EXOC2: variants seen among roughly 807,000 people sequenced by gnomAD.
The protein encoded by EXOC2 is SEC5-like 1.
A neutral mutation model predicts 131.8 loss-of-function variants in EXOC2; 70 were observed. That is an observed-to-expected ratio of 0.53 (90% CI 0.44 to 0.65). The LOEUF is 0.65. Among genes scored for constraint, EXOC2 ranks in the 30% least tolerant of loss-of-function variants. The pLI, the probability that EXOC2 is intolerant of heterozygous loss-of-function variation, is 0.00. For synonymous variants in EXOC2, 411 were observed against 398.4 expected (o/e 1.03, Z -0.38); for missense variants, 923 against 1,108.6 (o/e 0.83, Z 2.38).
intron 24 of EXOC2, among the ~76,000 whole-genome samples, chr6:499,016 C>G (rs1763891253): frequency 6.6e-6 from 1 of 152,170 alleles, no homozygotes; most frequent in Non-Finnish European, 1.5e-5. Flanking sequence ...CAATGTTCCT[C>G]AGAAGAGTCC....
rs539193038 is a variant in EXOC2 at position 550,534 on chromosome 6, G to A, written c.2122-1243C>T. Among the ~76,000 whole-genome samples the A allele has an allele frequency of 1.1e-4, 17 of 152,262 alleles. No homozygotes were observed. In the South Asian group the frequency reaches 1.9e-3, roughly 17 times the overall value. On this transcript the variant is annotated intron_variant, in intron 21 of 27. Coordinates refer to ENST00000230449, the MANE Select transcript of EXOC2 (RefSeq NM_018303.6). ...TTAAAGGATCTTCAAACAAGCGAAC[G>A]GCCTTGAGTTACTCTATGGCTAGGA...
chr6:657,091 T>A (rs1476763682), intron 1 of EXOC2: 1 of 631,014 alleles, frequency 1.6e-6, no homozygotes, highest in African/African-American at 1.9e-5. Flanking sequence ...CGGTTGCGGT[T>A]GCGGGTTCTG....
intron 1 of EXOC2, among the ~76,000 whole-genome samples, chr6:648,157 C>T (rs1366189632): frequency 1.3e-5 from 2 of 152,236 alleles, no homozygotes; most frequent in East Asian, 1.9e-4. Flanking sequence ...ACAGTGCCTG[C>T]GACATAATAT....
chr6:512,206 T>C (rs1581339244), intron 23 of EXOC2, among the ~76,000 whole-genome samples: 1 of 152,328 alleles, frequency 6.6e-6, no homozygotes, highest in East Asian at 1.9e-4. Context: ...CACAGTACTT[T>C]GCAAACTCAA....
At chr6:621,203 C>T (rs1761273276) in intron 4 of EXOC2, among the ~76,000 whole-genome samples, 1 of 152,204 alleles carries the variant, frequency 6.6e-6, no homozygotes, top group Non-Finnish European at 1.5e-5. Context: ...CTCTACTGTC[C>T]ATGCAGGCTC....
Position 598,068 on chromosome 6 carries a change from T to A in EXOC2, c.1026A>T (p.Lys342Asn). Residue 342 changes from lysine to asparagine, a missense_variant, in exon 10 of 28, where the codon AAA (lysine) becomes AAT (asparagine). Coordinates refer to ENST00000230449, the MANE Select transcript of EXOC2 (RefSeq NM_018303.6). ...IEALRELLLD[K>N]LLETPSTLHD... ...GTAAAGTTGATGGTGTCTCAAGCAA[T>A]TTATCCAGAAGTAATTCTCTTAAAG... 6.2e-7 allele frequency: 1 copy of A among 1,613,988 alleles called. No individual in the cohort carries two copies. The highest frequency in any genetic ancestry group is 8.5e-7 in the Non-Finnish European group (1 of 1,179,920).
intron 11 of EXOC2, among the ~76,000 whole-genome samples, chr6:589,357 T>C (rs1308618509): frequency 6.6e-6 from 1 of 152,168 alleles, no homozygotes; most frequent in Non-Finnish European, 1.5e-5. Context: ...CGCTTCTCAA[T>C]GCTGATCTAG....
intron 7 of EXOC2, among the ~76,000 whole-genome samples, chr6:603,857 C>T (rs1193014108): frequency 1.3e-5 from 2 of 152,122 alleles, no homozygotes. Context: ...AAGACCAATC[C>T]TTAAAAATAT....
At chr6:537,904 A>G (rs1766562469) in intron 22 of EXOC2, among the ~76,000 whole-genome samples, 1 of 152,220 alleles carries the variant, frequency 6.6e-6, no homozygotes, top group South Asian at 2.1e-4. Context: ...TAGCAGCTGG[A>G]ACGTTGCTGA....
intron 1 of EXOC2, among the ~76,000 whole-genome samples, chr6:662,515 G>A (rs539480734): frequency 2.0e-5 from 3 of 152,270 alleles, no homozygotes; most frequent in Admixed American, 1.3e-4. Flanking sequence ...TCAAAACCAT[G>A]CAAATACATG....
intron 1 of EXOC2, among the ~76,000 whole-genome samples, chr6:689,491 T>C (rs1309639155): frequency 6.6e-6 from 1 of 152,242 alleles, no homozygotes. Context: ...GCTCCTGGTA[T>C]GCAGCCCAGG....
intron 1 of EXOC2, chr6:655,976 G>T: frequency 1.5e-6 from 1 of 668,574 alleles, no homozygotes; most frequent in Non-Finnish European, 2.6e-6. Flanking sequence ...TTGCAAAGGA[G>T]GAAGGGCTCA....
At chr6:554,821 G>A (rs1581427834) in intron 20 of EXOC2, among the ~76,000 whole-genome samples, 1 of 152,084 alleles carries the variant, frequency 6.6e-6, no homozygotes, top group East Asian at 1.9e-4. Flanking sequence ...GCTAACATGT[G>A]TCCACTGGAG....
At chr6:500,427 C>T (rs1763978523) in intron 23 of EXOC2, among the ~76,000 whole-genome samples, 1 of 152,158 alleles carries the variant, frequency 6.6e-6, no homozygotes, top group Non-Finnish European at 1.5e-5. Flanking sequence ...CTATTGGGGA[C>T]CAAACCCCAG....
chr6:542,352 C>A (rs140190305), intron 22 of EXOC2, among the ~76,000 whole-genome samples: 145 of 152,292 alleles, frequency 9.5e-4, no homozygotes, highest in Admixed American at 1.4e-3. Flanking sequence ...AATCATAATG[C>A]AATGTGTGAC....
At chr6:671,035 T>C (rs374267623) in intron 1 of EXOC2, among the ~76,000 whole-genome samples, 17 of 114,314 alleles carry the variant, frequency 1.5e-4, no homozygotes, top group African/African-American at 5.5e-4. Context: ...GGTAACATCA[T>C]GAGACTCCAT....
intron 11 of EXOC2, among the ~76,000 whole-genome samples, chr6:591,384 A>C (rs1759534192): frequency 6.6e-6 from 1 of 152,136 alleles, no homozygotes. Context: ...TCTAAGCTCC[A>C]ACCACACAGG....
intron 11 of EXOC2, among the ~76,000 whole-genome samples, chr6:580,717 T>C (rs1476748517): frequency 6.6e-6 from 1 of 152,164 alleles, no homozygotes; most frequent in East Asian, 1.9e-4. Context: ...TCCTGTAAAA[T>C]ATACCTGTAA....
intron 25 of EXOC2, among the ~76,000 whole-genome samples, chr6:494,870 A>C (rs1288787510): frequency 6.6e-6 from 1 of 152,060 alleles, no homozygotes; most frequent in Admixed American, 6.5e-5. Context: ...TTATGAATAA[A>C]ATTGACTACG....
Sources: allele counts gnomAD v4.1 joint callset (sites outside exome capture counted in the v4.1 genomes callset), GRCh38; gene constraint gnomAD v4.1.1; transcripts MANE v1.5; gene names NCBI Gene and HGNC (gene_info 2026-07-23, HGNC 2026-07-21).